The following XKR4 variants were observed in gnomAD, a reference collection of about 807,000 sequenced individuals.
XKR4 encodes XK-related protein 4.
In XKR4, 12 loss-of-function variants were observed where a neutral mutation model predicts 53.9. The observed-to-expected ratio is 0.22, with a 90% CI of 0.14 to 0.36. XKR4 has a LOEUF of 0.36. XKR4 is among the 10% of genes least tolerant of loss of function. The probability of loss-of-function intolerance (pLI) is 1.00; values close to 1 mark genes in which losing one functional copy is unlikely to be tolerated. For synonymous variants in XKR4, 354 were observed against 362.4 expected (o/e 0.98, Z 0.26); for missense variants, 799 against 859.5 (o/e 0.93, Z 0.88).
At chr8:55,398,850 G>A (rs574039768) in intron 2 of XKR4, among the ~76,000 whole-genome samples, 1 of 152,310 alleles carries the variant, frequency 6.6e-6, no homozygotes, top group Non-Finnish European at 1.5e-5. Context: ...TTTCCCTGGA[G>A]AGTTTTTAAG....
chr8:55,453,459 C>A, intron 2 of XKR4: 1 of 400,320 alleles, frequency 2.5e-6, no homozygotes, highest in South Asian at 1.9e-5. Context: ...ATCTTCCCCT[C>A]AAACACGTGG....
chr8:55,484,227 C>A (rs921672239), intron 2 of XKR4, among the ~76,000 whole-genome samples: 3 of 152,122 alleles, frequency 2.0e-5, no homozygotes, highest in East Asian at 1.9e-4. Flanking sequence ...GCCAAGAAAG[C>A]TTTACTGGAA....
chr8:55,428,358 C>T (rs1303103377), intron 2 of XKR4, among the ~76,000 whole-genome samples: 6 of 152,066 alleles, frequency 3.9e-5, no homozygotes, highest in Non-Finnish European at 8.8e-5. Flanking sequence ...TCAAAAAGCC[C>T]CCAAAAAGCC....
At chr8:55,115,454 A>G (rs933424211) in intron 1 of XKR4, among the ~76,000 whole-genome samples, 1 of 151,804 alleles carries the variant, frequency 6.6e-6, no homozygotes, top group African/African-American at 2.4e-5. Context: ...AAATGTTTTG[A>G]ATGGCAAAAG....
At chr8:55,400,981 A>C (rs1848085) in intron 2 of XKR4, among the ~76,000 whole-genome samples, 28,195 of 152,182 alleles carry the variant, frequency 0.19, 5,510 homozygotes, top group African/African-American at 0.5. Flanking sequence ...ATTAACTCAG[A>C]CATACACACC....
chr8:55,154,926 ATGTCGC>A (rs1211089640), intron 1 of XKR4, among the ~76,000 whole-genome samples: 2 of 152,230 alleles, frequency 1.3e-5, no homozygotes, highest in Non-Finnish European at 2.9e-5. Flanking sequence ...AGCCCATAAA[ATGTCGC>A]TGGTGTACGA....
intron 2 of XKR4, among the ~76,000 whole-genome samples, chr8:55,417,236 C>T (rs886850978): frequency 2.6e-5 from 4 of 152,196 alleles, no homozygotes; most frequent in Non-Finnish European, 5.9e-5. Context: ...TTTTCCCAAG[C>T]GGGCAGTTTA....
chr8:55,454,037 T>C, intron 2 of XKR4: 2 of 895,558 alleles, frequency 2.2e-6, no homozygotes, highest in Admixed American at 1.9e-5. Flanking sequence ...GCACCAGAGA[T>C]AGCCCTGCAG....
chr8:55,522,113 G>T (rs1165886099), intron 2 of XKR4, among the ~76,000 whole-genome samples: 1 of 152,218 alleles, frequency 6.6e-6, no homozygotes, highest in Admixed American at 6.5e-5. Context: ...AAGGAGGCCA[G>T]TGTGTTTTTA....
At chr8:55,110,117 T>A (rs1035970863) in intron 1 of XKR4, among the ~76,000 whole-genome samples, 6 of 152,312 alleles carry the variant, frequency 3.9e-5, no homozygotes, top group Admixed American at 6.5e-5. Flanking sequence ...ATTATTCTTA[T>A]GCATTTTCAC....
chr8:55,498,246 C>G (rs12547532), intron 2 of XKR4, among the ~76,000 whole-genome samples: 1 of 152,224 alleles, frequency 6.6e-6, no homozygotes, highest in East Asian at 1.9e-4. Flanking sequence ...ACCTGTCTAA[C>G]TGGACTAACC....
chr8:55,480,076 A>C (rs916341136), intron 2 of XKR4, among the ~76,000 whole-genome samples: 1 of 152,230 alleles, frequency 6.6e-6, no homozygotes, highest in Non-Finnish European at 1.5e-5. Context: ...ACTGATACCA[A>C]AGCCTGGCAG....
At chr8:55,131,339 T>G (rs189982996) in intron 1 of XKR4, among the ~76,000 whole-genome samples, 1 of 152,336 alleles carries the variant, frequency 6.6e-6, no homozygotes, top group Admixed American at 6.5e-5. Context: ...CTCCTGCATT[T>G]AAGTTCATTT....
chr8:55,257,058 C>T (rs1818448000), intron 1 of XKR4, among the ~76,000 whole-genome samples: 1 of 152,144 alleles, frequency 6.6e-6, no homozygotes, highest in African/African-American at 2.4e-5. Context: ...GACTTAATCA[C>T]TCCCAAAGCC....
At chr8:55,114,331 T>C (rs1325200541) in intron 1 of XKR4, among the ~76,000 whole-genome samples, 1 of 152,208 alleles carries the variant, frequency 6.6e-6, no homozygotes, top group Admixed American at 6.6e-5. Flanking sequence ...ATTAGTTGTG[T>C]TGAGCATTTT....
At chr8:55,165,081 ATAGAACATGGGAC>A (rs1817048333) in intron 1 of XKR4, among the ~76,000 whole-genome samples, 2 of 152,214 alleles carry the variant, frequency 1.3e-5, no homozygotes, top group Admixed American at 6.5e-5. Flanking sequence ...GGCAGGTCCC[ATAGAACATGGGAC>A]AATGAAAATT....
At chr8:55,125,054 C>G (rs986032140) in intron 1 of XKR4, among the ~76,000 whole-genome samples, 1 of 152,204 alleles carries the variant, frequency 6.6e-6, no homozygotes, top group African/African-American at 2.4e-5. Flanking sequence ...GTATTTTAAA[C>G]TCATAAGTTT....
chr8:55,244,972 G>C (rs1818265000), intron 1 of XKR4, among the ~76,000 whole-genome samples: 1 of 149,492 alleles, frequency 6.7e-6, no homozygotes, highest in Non-Finnish European at 1.5e-5. Context: ...CGCGATCTTG[G>C]CTCACTGCAA....
chr8:55,310,435 C>T (rs1352614767), intron 1 of XKR4, among the ~76,000 whole-genome samples: 1 of 152,186 alleles, frequency 6.6e-6, no homozygotes, highest in Non-Finnish European at 1.5e-5. Flanking sequence ...TGTCATTTAG[C>T]ATAGCACCTG....
Sources: allele counts gnomAD v4.1 joint callset (sites outside exome capture counted in the v4.1 genomes callset), GRCh38; gene constraint gnomAD v4.1.1; transcripts MANE v1.5; gene names NCBI Gene and HGNC (gene_info 2026-07-23, HGNC 2026-07-21).